Variants in GOLGB1 observed in about 807,000 individuals in gnomAD.
GOLGB1 encodes golgin B1, also known as golgin subfamily B member 1.
In GOLGB1, 174 loss-of-function variants were observed where a neutral mutation model predicts 336.9. The ratio of observed to expected loss-of-function variants is 0.52; its 90% CI spans 0.46 to 0.59. The LOEUF (loss-of-function observed/expected upper bound fraction) is 0.59, where lower values mean the gene tolerates loss of function less well. GOLGB1 is among the 20% of genes least tolerant of loss of function. The pLI, the probability that GOLGB1 is intolerant of heterozygous loss-of-function variation, is 0.00. For synonymous variants in GOLGB1, 1,208 were observed against 1,289.2 expected (o/e 0.94, Z 1.35); for missense variants, 3,331 against 3,645.3 (o/e 0.91, Z 2.22).
intron 10 of GOLGB1, among the ~76,000 whole-genome samples, chr3:121,708,160 C>A (rs1268011297): frequency 6.6e-6 from 1 of 151,924 alleles, no homozygotes; most frequent in Admixed American, 6.6e-5. Context: ...GTAAAATAAG[C>A]CAACAAAAGT....
rs181351912 is a variant in GOLGB1 at position 121,695,622 on chromosome 3, G to A, written c.4901C>T (p.Ala1634Val). The change falls in exon 13 of 22, where the codon GCA becomes GTA. Residue 1634 changes from alanine to valine, a missense_variant. Ala to Val is a moderately conservative substitution (Grantham distance 64, BLOSUM62 0). Transcript: ENST00000614479. ...LQSYENVSNE[A>V]ERIQHVVEAV... The stretch of plus-strand genomic sequence containing the variant: ...TTCCACCACATGCTGAATCCTTTCT[G>A]CTTCATTACTAACATTCTCATAGGA... 1.9e-5 allele frequency: 31 copies of A among 1,613,650 alleles called. No individual in the cohort carries two copies. The East Asian group carries it at 5.3e-4, about 28-fold the overall frequency.
chr3:121,681,579 G>T, intron 15 of GOLGB1, 108 bp downstream of exon 15: 1 of 752,384 alleles, frequency 1.3e-6, no homozygotes, highest in Non-Finnish European at 2.2e-6. Flanking sequence ...GAAGAAACTG[G>T]GTGAAGGGTA....
chr3:121,714,178 C>T (rs1356598010), intron 10 of GOLGB1, among the ~76,000 whole-genome samples: 1 of 152,164 alleles, frequency 6.6e-6, no homozygotes. Flanking sequence ...CAGGACTCTG[C>T]TGACCAATAT....
intron 10 of GOLGB1, among the ~76,000 whole-genome samples, chr3:121,706,733 CAAAAAAAAA>C (rs1200925309): frequency 3.7e-4 from 6 of 16,154 alleles, no homozygotes; most frequent in Admixed American, 2.0e-3. Flanking sequence ...GACTCTGTCT[CAAAAAAAAA>C]AAAAAAAAAA....
intron 10 of GOLGB1, among the ~76,000 whole-genome samples, chr3:121,706,759 A>AC (rs145187527): frequency 1.6e-4 from 23 of 145,308 alleles, no homozygotes; most frequent in Non-Finnish European, 2.1e-4. Context: ...AAAAAAAAAA[A>AC]CCAACAAAGA....
intron 1 of GOLGB1, among the ~76,000 whole-genome samples, chr3:121,741,983 C>A (rs1946891460): frequency 6.6e-6 from 1 of 152,018 alleles, no homozygotes; most frequent in Admixed American, 6.6e-5. Flanking sequence ...TTCCCATTGG[C>A]TAAAAGGATA....
At position 121,666,081 on chromosome 3, in the gene GOLGB1, T is replaced by C. The variant is rs115356519; in HGVS notation, c.9555-1050A>G. ...TACTATGGAGGTCAGTCTGTCAATG[T>C]AGGCTATGCTGAGGAAGGATGAGAA... On this transcript the variant is annotated intron_variant, in intron 20 of 21. Coordinates refer to ENST00000614479, the MANE Select transcript of GOLGB1 (RefSeq NM_001366282.2). 2.3e-3 allele frequency among the ~76,000 whole-genome samples: 347 copies of C among 152,346 alleles called. 3 individuals are homozygous for C. The highest frequency in any genetic ancestry group is 8.0e-3 in the African/African-American group (331 of 41,570).
chr3:121,711,248 A>G (rs1055725062), intron 10 of GOLGB1, among the ~76,000 whole-genome samples: 3 of 152,158 alleles, frequency 2.0e-5, no homozygotes, highest in Non-Finnish European at 2.9e-5. Flanking sequence ...GACATTTGTT[A>G]TTACTCATAG....
intron 17 of GOLGB1, among the ~76,000 whole-genome samples, chr3:121,676,473 A>G (rs1029012839): frequency 2.0e-5 from 3 of 152,232 alleles, no homozygotes; most frequent in African/African-American, 7.2e-5. Flanking sequence ...TAGTTCTATC[A>G]TAGACTACTT....
At chr3:121,740,512 A>C (rs1404824794) in intron 1 of GOLGB1, among the ~76,000 whole-genome samples, 1 of 152,222 alleles carries the variant, frequency 6.6e-6, no homozygotes, top group Non-Finnish European at 1.5e-5. Context: ...AGTTAATATT[A>C]ATGTACCAAT....
intron 10 of GOLGB1, among the ~76,000 whole-genome samples, chr3:121,703,481 G>GGCA (rs1210413674): frequency 1.3e-5 from 2 of 152,166 alleles, no homozygotes; most frequent in African/African-American, 4.8e-5. Flanking sequence ...AGAAGAAAAA[G>GGCA]AGTTAGGAAG....
intron 19 of GOLGB1, 21 bp downstream of exon 19, chr3:121,668,040 T>C (rs779495513): frequency 7.3e-7 from 1 of 1,368,814 alleles, no homozygotes; most frequent in Admixed American, 2.0e-5. Flanking sequence ...TGCTCCAGGG[T>C]TTAGAGAGCC....
chr3:121,694,490 A>G lies in GOLGB1; in HGVS notation c.6033T>C (p.His2011=), dbSNP rs778401393. Residue 2011 remains histidine, a synonymous_variant, in exon 13 of 22, where the codon CAT becomes CAC. Coordinates refer to ENST00000614479, the MANE Select transcript of GOLGB1 (RefSeq NM_001366282.2). ...TTAACAGTTCCTGAAGTTCCTTTGC[A>G]TGGCTTTTATTTCCGGGTTCTTTCT... The part of the protein sequence containing the change: ...GAQKEPGNKS[H]AKELQELLKE... The G allele has an allele frequency of 6.2e-7, 1 of 1,611,250 alleles. No homozygotes were observed. The highest frequency in any genetic ancestry group is 8.5e-7 in the Non-Finnish European group (1 of 1,179,636).
At chr3:121,726,697 T>C (rs1406144218) in intron 5 of GOLGB1, among the ~76,000 whole-genome samples, 6 of 151,326 alleles carry the variant, frequency 4.0e-5, no homozygotes, top group Non-Finnish European at 7.4e-5. Flanking sequence ...ATTGAAAGAG[T>C]ATACTGGGTA....
Position 121,702,499 on chromosome 3 carries a change from C to T in GOLGB1, c.1501G>A (p.Glu501Lys). 2.0e-6 allele frequency: 3 copies of T among 1,486,332 alleles called. No homozygotes were observed. Among genetic ancestry groups the T allele is most frequent in the Middle Eastern group, 1.8e-4 (1 of 5,568 alleles). The allele number at this position is 1,486,332 out of a possible 1,614,324, so 92.1% of individuals were successfully genotyped here. ...TACATACCATTCTCAGCTTTCAGCT[C>T]CTCCAGCTCTATAGAACTAAGGAGC... is the stretch of plus-strand genomic sequence containing the variant. ...ALLLSSIELE[E>K]LKAENEKLSS... The change falls in exon 11 of 22, where the codon GAG (glutamate) becomes AAG (lysine). Residue 501 changes from glutamate (E) to lysine (K), a missense_variant. By Grantham distance (56) the Glu-to-Lys change is moderately conservative. Transcript: ENST00000614479.
chr3:121,694,215 T>G lies in GOLGB1; in HGVS notation c.6308A>C (p.Asn2103Thr). The G allele has an allele frequency of 6.2e-7, 1 of 1,612,168 alleles. No homozygotes were observed. The highest frequency in any genetic ancestry group is 8.5e-7 in the Non-Finnish European group (1 of 1,179,998). Reference protein sequence around the residue: ...QSEAARVLADNLKLKKELQSN... With the variant: ...QSEAARVLADTLKLKKELQSN... The stretch of plus-strand genomic sequence containing the variant: ...CTGAAGTTCCTTTTTCAACTTGAGA[T>G]TGTCTGCTAGGACCCTTGCTGCTTC... The change falls in exon 13 of 22, where the codon AAT (asparagine) becomes ACT (threonine). Residue 2103 changes from asparagine to threonine, a missense_variant. Physicochemically the swap from Asn to Thr is moderately conservative, Grantham distance 65. Coordinates refer to ENST00000614479, the MANE Select transcript of GOLGB1 (RefSeq NM_001366282.2).
At chr3:121,702,443 T>C in intron 11 of GOLGB1, 38 bp downstream of exon 11, 1 of 878,526 alleles carries the variant, frequency 1.1e-6, no homozygotes, top group South Asian at 2.5e-5. Context: ...ACTTGTGGGA[T>C]AAGAAGACAG....
At position 121,714,973 on chromosome 3, in the gene GOLGB1, T is replaced by C. The variant is rs768033818; in HGVS notation, c.1292A>G (p.Gln431Arg). Residue 431 changes from glutamine to arginine, a missense_variant, in exon 10 of 22, where the codon CAG becomes CGG. Transcript: ENST00000614479. ...SAQTIQQLED[Q>R]LQQKSKEISQ... Reference sequence around the variant, plus strand: ...AATTTCTTTGGATTTTTGCTGGAGCTGATCTAAGGAAAAGAAAAAAAATAA... The same window carrying C: ...AATTTCTTTGGATTTTTGCTGGAGCCGATCTAAGGAAAAGAAAAAAAATAA... 1 of 1,554,984 alleles carries C rather than the reference T, an allele frequency of 6.4e-7. No homozygotes were observed. The highest frequency in any genetic ancestry group is 2.2e-5 in the East Asian group (1 of 44,476).
chr3:121,678,675 C>A (rs1356330310), intron 15 of GOLGB1, among the ~76,000 whole-genome samples: 1 of 151,888 alleles, frequency 6.6e-6, no homozygotes, highest in Non-Finnish European at 1.5e-5. Flanking sequence ...TCAAGCAATT[C>A]TCCTGCCTCA....
Sources: gnomAD v4.1 joint callset for allele counts (sites outside exome capture counted in the v4.1 genomes callset) on GRCh38, gnomAD v4.1.1 for gene constraint, MANE v1.5 for transcripts, NCBI Gene and HGNC (gene_info 2026-07-23, HGNC 2026-07-21) for gene names.